SLC41A3: variants seen among roughly 807,000 people sequenced by gnomAD.
SLC41A3 encodes the protein SLC41A1-like 2.
Under a neutral mutation model 45.4 loss-of-function variants are expected in SLC41A3, and 44 were observed. That is an observed-to-expected ratio of 0.97 (90% CI 0.76 to 1.25). The LOEUF is 1.25. SLC41A3 is among the 50% of genes most tolerant of loss of function. SLC41A3 has a pLI of 0.00. For synonymous variants in SLC41A3, 256 were observed against 252.4 expected (o/e 1.01, Z -0.13); for missense variants, 550 against 600.6 (o/e 0.92, Z 0.88).
At chr3:126,088,013 A>G (rs546067049), upstream of SLC41A3, among the ~76,000 whole-genome samples, 6 of 152,254 alleles carry the variant, frequency 3.9e-5, no homozygotes, top group African/African-American at 1.4e-4. Flanking sequence ...GCAGATTGAT[A>G]TCTCACAAGC....
intron 1 of SLC41A3, among the ~76,000 whole-genome samples, chr3:126,093,975 G>T (rs1945544772): frequency 6.6e-6 from 1 of 152,226 alleles, no homozygotes; most frequent in Admixed American, 6.5e-5. Context: ...AACATAGTTA[G>T]AGTTGGCAAA....
At chr3:126,049,678 T>G (rs1263534945) in intron 3 of SLC41A3, among the ~76,000 whole-genome samples, 1 of 152,158 alleles carries the variant, frequency 6.6e-6, no homozygotes, top group Non-Finnish European at 1.5e-5. Context: ...CATTTCCACA[T>G]CCCACAAGGC....
Position 126,066,711 on chromosome 3 carries a change from T to C in SLC41A3, c.273+1236A>G, listed in dbSNP as rs116233024. Among the ~76,000 whole-genome samples, 701 of 152,322 alleles carry C rather than the reference T, an allele frequency of 4.6e-3. 4 individuals are homozygous for C. Among genetic ancestry groups the C allele is most frequent in the Non-Finnish European group, 6.3e-3 (430 of 68,032 alleles). Reference sequence around the variant, plus strand: ...CTTCTTGGAAGGCCGGGGTGTTGCATAGCTTCAGTAAAAGATTTAGCTGAA... The same window carrying C: ...CTTCTTGGAAGGCCGGGGTGTTGCACAGCTTCAGTAAAAGATTTAGCTGAA... On this transcript the variant is annotated intron_variant, in intron 2 of 10. Coordinates refer to ENST00000360370, the MANE Select transcript of SLC41A3 (RefSeq NM_017836.4).
At chr3:126,099,043 G>A (rs900007780) in intron 1 of SLC41A3, among the ~76,000 whole-genome samples, 8 of 150,232 alleles carry the variant, frequency 5.3e-5, no homozygotes, top group South Asian at 2.1e-4. Flanking sequence ...CTGGGATTAC[G>A]GACATGAGCC....
At chr3:126,032,120 C>T (rs371197444) in intron 4 of SLC41A3, among the ~76,000 whole-genome samples, 7 of 151,800 alleles carry the variant, frequency 4.6e-5, no homozygotes, top group Non-Finnish European at 5.9e-5. Flanking sequence ...TGAAGATGCA[C>T]GGCAGGGAGG....
chr3:126,016,428 C>T (rs1188494452), intron 7 of SLC41A3, among the ~76,000 whole-genome samples: 1 of 152,274 alleles, frequency 6.6e-6, no homozygotes, highest in Non-Finnish European at 1.5e-5. Flanking sequence ...AAGCCGCTGT[C>T]TCCCTTGGGG....
intron 3 of SLC41A3, among the ~76,000 whole-genome samples, chr3:126,035,347 A>C (rs1265909112): frequency 2.2e-4 from 33 of 152,270 alleles, no homozygotes. Flanking sequence ...AGGGCTGACC[A>C]AGCTGGTGAT....
chr3:126,037,119 A>G (rs184022066), intron 3 of SLC41A3, among the ~76,000 whole-genome samples: 2 of 152,240 alleles, frequency 1.3e-5, no homozygotes, highest in Admixed American at 6.5e-5. Flanking sequence ...TGCCCTTCTC[A>G]TAGTAATGAG....
chr3:126,033,713 G>A (rs1171671279), intron 3 of SLC41A3, 35 bp from the exon 4 acceptor site: 3 of 1,601,452 alleles, frequency 1.9e-6, no homozygotes, highest in Non-Finnish European at 1.7e-6. Context: ...GGTAGGACTG[G>A]CTAGGCCCAA....
intron 1 of SLC41A3, among the ~76,000 whole-genome samples, chr3:126,072,733 CAG>C (rs1944686704): frequency 6.6e-6 from 1 of 152,166 alleles, no homozygotes; most frequent in Non-Finnish European, 1.5e-5. Context: ...GAACTTAAAA[CAG>C]AAGTACCATT....
intron 2 of SLC41A3, among the ~76,000 whole-genome samples, chr3:126,061,980 A>G (rs1295291891): frequency 1.3e-5 from 2 of 152,116 alleles, no homozygotes; most frequent in Non-Finnish European, 2.9e-5. Context: ...ACCTGGTCTG[A>G]CTTACAAATT....
intron 2 of SLC41A3, among the ~76,000 whole-genome samples, chr3:126,058,902 G>A (rs1014399804): frequency 2.0e-5 from 3 of 152,092 alleles, no homozygotes; most frequent in Non-Finnish European, 4.4e-5. Flanking sequence ...CCAAACGTCT[G>A]CCAGGCCTCA....
chr3:126,100,322 G>A (rs780180819), intron 1 of SLC41A3, among the ~76,000 whole-genome samples: 2 of 151,924 alleles, frequency 1.3e-5, no homozygotes, highest in Non-Finnish European at 1.5e-5. Flanking sequence ...ATGTCCCACC[G>A]CCCCAGCTTC....
At position 126,096,940 on chromosome 3, in the gene SLC41A3, G is replaced by A. The variant is rs151005268; in HGVS notation, c.-79+4489C>T. On this transcript the variant is annotated intron_variant, in intron 1 of 9. Transcript: ENST00000508835. ...TCCTCGGAAGAAAGAATTCAACTGA[G>A]GGGCATAGAGCAGAAAAAGAGACTG... is the stretch of plus-strand genomic sequence containing the variant. 2.2e-3 allele frequency among the ~76,000 whole-genome samples: 332 copies of A among 152,296 alleles called. 1 individual carries two copies. The highest frequency in any genetic ancestry group is 7.6e-3 in the African/African-American group (314 of 41,574).
chr3:126,060,850 C>A (rs1944027085), intron 2 of SLC41A3, among the ~76,000 whole-genome samples: 1 of 152,208 alleles, frequency 6.6e-6, no homozygotes, highest in Admixed American at 6.5e-5. Flanking sequence ...CAACCCACCC[C>A]ACAGCCCACA....
rs1295922491 is a variant in SLC41A3, at chr3:126,006,758, C to CA, written c.*257dup. ...ACCCTCCTCTCCACAAACGTGTGCA[C>CA]ACTTGCACGCTCATTAAGCATGTGC... is the stretch of plus-strand genomic sequence containing the variant. On this transcript the variant is annotated 3_prime_UTR_variant, in exon 11 of 11. Transcript: ENST00000360370. The CA allele has an allele frequency of 1.4e-6, 2 of 1,443,346 alleles. No homozygotes were observed. Among genetic ancestry groups the CA allele is most frequent in the Admixed American group, 5.7e-5 (2 of 34,986 alleles). The allele number at this position is 1,443,346 out of a possible 1,614,324, so 89.4% of individuals were successfully genotyped here.
At chr3:126,077,523 T>C (rs1446268430) in intron 1 of SLC41A3, among the ~76,000 whole-genome samples, 1 of 152,216 alleles carries the variant, frequency 6.6e-6, no homozygotes. Context: ...CTGTTTTTTT[T>C]AATCCATGTT....
chr3:126,085,702 T>A (rs143550444), upstream of SLC41A3, among the ~76,000 whole-genome samples: 247 of 152,274 alleles, frequency 1.6e-3, 1 homozygote, highest in African/African-American at 5.6e-3. Flanking sequence ...GTGTGAGGAA[T>A]TGAACTGTTG....
At chr3:126,090,700 G>A (rs189200502) in intron 1 of SLC41A3, among the ~76,000 whole-genome samples, 100 of 152,220 alleles carry the variant, frequency 6.6e-4, no homozygotes, top group African/African-American at 6.7e-4. Context: ...TGAGTCCCTC[G>A]TTTAGCATCC....
Sources: allele counts gnomAD v4.1 joint callset (sites outside exome capture counted in the v4.1 genomes callset), GRCh38; gene constraint gnomAD v4.1.1; transcripts MANE v1.5; gene names NCBI Gene and HGNC (gene_info 2026-07-23, HGNC 2026-07-21).